UBE2D2: variants seen among roughly 807,000 people sequenced by gnomAD.
UBE2D2 encodes ubiquitin-conjugating enzyme E2 D2.
UBE2D2 carries 2 observed loss-of-function variants against 24.2 expected under a neutral mutation model. The ratio of observed to expected loss-of-function variants is 0.08; its 90% CI spans 0.03 to 0.26. The LOEUF is 0.26. Ranked by LOEUF, UBE2D2 falls within the 10% of genes least tolerant of loss-of-function variation. The pLI, the probability that UBE2D2 is intolerant of heterozygous loss-of-function variation, is 1.00. For missense variants in UBE2D2, 44 were observed against 177.6 expected, an observed-to-expected ratio of 0.25 and a Z score of 4.28; for synonymous variants, 58 against 56.5, an observed-to-expected ratio of 1.03 and a Z score of -0.12.
chr5:139,551,999 T>C (rs1752925747), intron 1 of UBE2D2, among the ~76,000 whole-genome samples: 2 of 152,172 alleles, frequency 1.3e-5, no homozygotes, highest in African/African-American at 2.4e-5. Context: ...ATTACTTTAA[T>C]GAGAGAGAAC....
In UBE2D2 at chr5:139,600,491, A is replaced by C. The variant is rs564553823; in HGVS notation, c.88+56A>C. The C allele has an allele frequency of 4.6e-5, 73 of 1,578,670 alleles. No individual in the cohort carries two copies. In the South Asian group the frequency reaches 8.0e-4, roughly 17 times the overall value. Reference sequence around the variant, plus strand: ...AGCATAACAGTGGTTATTTTGTGTGAAGAAACAATTATGGTATAGGGAAGA... The same window carrying C: ...AGCATAACAGTGGTTATTTTGTGTGCAGAAACAATTATGGTATAGGGAAGA... On this transcript the variant is annotated intron_variant, in intron 2 of 6. Transcript: ENST00000398733.
intron 1 of UBE2D2, among the ~76,000 whole-genome samples, chr5:139,569,321 C>T (rs1380446833): frequency 6.6e-6 from 1 of 152,062 alleles, no homozygotes; most frequent in Non-Finnish European, 1.5e-5. Flanking sequence ...TTCAAACAGC[C>T]ATCGAGGATA....
At chr5:139,625,730 G>A (rs1245672050) in intron 6 of UBE2D2, among the ~76,000 whole-genome samples, 1 of 151,794 alleles carries the variant, frequency 6.6e-6, no homozygotes, top group Non-Finnish European at 1.5e-5. Flanking sequence ...TCAGCCTCCT[G>A]AGTAGCTGGG....
chr5:139,628,135 C>T lies in UBE2D2; in HGVS notation c.*1334C>T, dbSNP rs576409992. 2 of 152,760 alleles carry T rather than the reference C, an allele frequency of 1.3e-5. No individual in the cohort carries two copies. The highest frequency in any genetic ancestry group is 4.1e-4 in the South Asian group (2 of 4,830). 9.5% of individuals were successfully genotyped at this position (152,760 alleles called of 1,614,324 possible). A position where few individuals can be genotyped will look rare whatever the true frequency, so the allele number is the denominator to read the frequency against. ...CTTGTTTGGAGAGTCTACATAATTA[C>T]TTTGCACTAACATTTGCAGGATGTT... is the stretch of plus-strand genomic sequence containing the variant. On this transcript the variant is annotated 3_prime_UTR_variant, in exon 7 of 7. Coordinates refer to ENST00000398733, the MANE Select transcript of UBE2D2 (RefSeq NM_003339.3).
chr5:139,581,968 T>A (rs972031793), intron 1 of UBE2D2, among the ~76,000 whole-genome samples: 1 of 151,812 alleles, frequency 6.6e-6, no homozygotes, highest in Non-Finnish European at 1.5e-5. Flanking sequence ...TGCCAGCTGT[T>A]TTTTTGGGGT....
At chr5:139,551,040 C>G (rs1356453174) in intron 1 of UBE2D2, among the ~76,000 whole-genome samples, 1 of 152,124 alleles carries the variant, frequency 6.6e-6, no homozygotes, top group East Asian at 1.9e-4. Context: ...CCATCTTATT[C>G]TCCTTTTAGA....
At chr5:139,554,115 T>C (rs1214182570) in intron 1 of UBE2D2, among the ~76,000 whole-genome samples, 4 of 152,180 alleles carry the variant, frequency 2.6e-5, no homozygotes, top group African/African-American at 9.7e-5. Flanking sequence ...TATAAACTTG[T>C]ATAACCTCCA....
chr5:139,574,263 A>C (rs1753419494), intron 1 of UBE2D2, among the ~76,000 whole-genome samples: 1 of 147,504 alleles, frequency 6.8e-6, no homozygotes, highest in East Asian at 2.0e-4. Flanking sequence ...CTGGGCAACG[A>C]GAGTGAAACT....
chr5:139,595,759 T>C (rs1753944783), intron 1 of UBE2D2, among the ~76,000 whole-genome samples: 1 of 152,088 alleles, frequency 6.6e-6, no homozygotes, highest in Non-Finnish European at 1.5e-5. Flanking sequence ...AAATGGGCAA[T>C]ATACACACTT....
rs1754674320 is a variant in UBE2D2, at chr5:139,628,427, G to C, written c.*1626G>C. 6.6e-6 allele frequency: 1 copy of C among 152,520 alleles called. No homozygotes were observed. The highest frequency in any genetic ancestry group is 2.4e-5 in the African/African-American group (1 of 41,430). 9.4% of individuals were successfully genotyped at this position (152,520 alleles called of 1,614,324 possible). On this transcript the variant is annotated 3_prime_UTR_variant, in exon 7 of 7. Coordinates refer to ENST00000398733, the MANE Select transcript of UBE2D2 (RefSeq NM_003339.3). The stretch of plus-strand genomic sequence containing the variant: ...AAGGAATAAATGTCCACTGCTTTTG[G>C]TTTTAAACTTGTTCACCTTGTCTTA...
At chr5:139,591,559 T>A (rs1335666763) in intron 1 of UBE2D2, among the ~76,000 whole-genome samples, 1 of 152,212 alleles carries the variant, frequency 6.6e-6, no homozygotes, top group Non-Finnish European at 1.5e-5. Flanking sequence ...TCCATCGGTT[T>A]GTCTGTCTTT....
At chr5:139,559,451 C>T (rs763308379), upstream of UBE2D2, among the ~76,000 whole-genome samples, 6 of 151,888 alleles carry the variant, frequency 4.0e-5, no homozygotes, top group Non-Finnish European at 8.8e-5. Flanking sequence ...GAAATCTGTC[C>T]AGTGGAGATT....
intron 5 of UBE2D2, among the ~76,000 whole-genome samples, chr5:139,616,411 AAAATG>A (rs969490726): frequency 6.6e-5 from 10 of 152,166 alleles, no homozygotes; most frequent in Admixed American, 4.6e-4. Flanking sequence ...TACTTTTGTG[AAAATG>A]AAATCAGTTG....
intron 1 of UBE2D2, among the ~76,000 whole-genome samples, chr5:139,581,214 C>T (rs532335838): frequency 1.3e-5 from 2 of 151,898 alleles, no homozygotes; most frequent in African/African-American, 2.4e-5. Context: ...TTTGGGAGGC[C>T]GAGGCGGGTG....
intron 1 of UBE2D2, among the ~76,000 whole-genome samples, chr5:139,536,321 A>G (rs1489870191): frequency 6.7e-6 from 1 of 150,328 alleles, no homozygotes; most frequent in African/African-American, 2.5e-5. Context: ...CTGGTCTCGA[A>G]CTCCCGACCT....
intron 1 of UBE2D2, among the ~76,000 whole-genome samples, chr5:139,550,320 G>A (rs139090494): frequency 0.012 from 1,902 of 152,200 alleles, 19 homozygotes; most frequent in South Asian, 0.036. Context: ...CCTCAGGCTG[G>A]AGGATTGTAA....
At chr5:139,581,128 T>C (rs1753594674) in intron 1 of UBE2D2, among the ~76,000 whole-genome samples, 1 of 152,076 alleles carries the variant, frequency 6.6e-6, no homozygotes, top group African/African-American at 2.4e-5. Context: ...CCTATAGTCC[T>C]GGAGTGGTTG....
At chr5:139,541,903 T>C (rs1372268215) in intron 1 of UBE2D2, among the ~76,000 whole-genome samples, 1 of 150,758 alleles carries the variant, frequency 6.6e-6, no homozygotes, top group Admixed American at 6.6e-5. Context: ...AATACAAAAA[T>C]TAGCCGGGTA....
chr5:139,589,975 G>A (rs548123172), intron 1 of UBE2D2, among the ~76,000 whole-genome samples: 12 of 152,060 alleles, frequency 7.9e-5, no homozygotes, highest in South Asian at 2.1e-4. Flanking sequence ...TAGTAGAGAC[G>A]GGGTTTCACT....
Sources: allele counts gnomAD v4.1 joint callset (sites outside exome capture counted in the v4.1 genomes callset), GRCh38; gene constraint gnomAD v4.1.1; transcripts MANE v1.5; gene names NCBI Gene and HGNC (gene_info 2026-07-23, HGNC 2026-07-21).